The following MGAT5 variants were observed in gnomAD, a reference collection of about 807,000 sequenced individuals.
The protein encoded by MGAT5 is alpha-1,6-mannosylglycoprotein 6-beta-N-acetylglucosaminyltransferase.
A neutral mutation model predicts 94.3 loss-of-function variants in MGAT5; 30 were observed. The observed-to-expected ratio is 0.32, with a 90% CI of 0.24 to 0.43. MGAT5 has a LOEUF of 0.43. Among genes scored for constraint, MGAT5 ranks in the 20% least tolerant of loss-of-function variants. The probability of loss-of-function intolerance (pLI) is 1.00; values close to 1 mark genes in which losing one functional copy is unlikely to be tolerated. For synonymous variants in MGAT5, 310 were observed against 322.9 expected, an observed-to-expected ratio of 0.96 and a Z score of 0.43; for missense variants, 691 against 905.5, an observed-to-expected ratio of 0.76 and a Z score of 3.04.
intron 2 of MGAT5, among the ~76,000 whole-genome samples, chr2:134,291,334 T>C (rs1685349439): frequency 1.3e-5 from 2 of 152,250 alleles, no homozygotes; most frequent in Admixed American, 1.3e-4. Context: ...TTCTTGTCTG[T>C]GAGGATACAA....
At position 134,381,382 on chromosome 2, in the gene MGAT5, T is replaced by TTAGATAGATAGATAGATAGATAGA. The variant is rs61246431; in HGVS notation, c.1380+19002_1380+19025dup. On this transcript the variant is annotated intron_variant, in intron 10 of 15. Transcript: ENST00000281923. ...AGATAGATAGATAAGATAAGATAGA[T>TTAGATAGATAGATAGATAGATAGA]TAGATAGATAGATAGATAGATAGAT... 1.1e-4 allele frequency among the ~76,000 whole-genome samples: 12 copies of TTAGATAGATAGATAGATAGATAGA among 108,576 alleles called. 1 individual carries two copies. The South Asian group carries it at 1.6e-3, about 14-fold the overall frequency. 71.2% of individuals were successfully genotyped at this position (108,576 alleles called of 152,430 possible).
chr2:134,428,235 A>T, intron 13 of MGAT5, 130 bp from the exon 14 acceptor site: 1 of 711,546 alleles, frequency 1.4e-6, no homozygotes, highest in South Asian at 1.9e-5. Flanking sequence ...ACGACTTGCA[A>T]GTCCATAGTC....
intron 1 of MGAT5, among the ~76,000 whole-genome samples, chr2:134,248,248 G>T (rs893882232): frequency 6.6e-6 from 1 of 152,182 alleles, no homozygotes; most frequent in Admixed American, 6.5e-5. Context: ...CCACCATCCT[G>T]TCCTTCCATC....
chr2:134,404,082 TTAA>T (rs1439511293), intron 11 of MGAT5, among the ~76,000 whole-genome samples: 2 of 152,248 alleles, frequency 1.3e-5, no homozygotes, highest in African/African-American at 2.4e-5. Context: ...CTCAGGTTTA[TTAA>T]TAAGTTTTTA....
Position 134,425,473 on chromosome 2 carries a change from G to A in MGAT5, c.1794+2554G>A, listed in dbSNP as rs189980142. 2.0e-5 allele frequency among the ~76,000 whole-genome samples: 3 copies of A among 152,046 alleles called. No individual in the cohort carries two copies. In the East Asian group the frequency reaches 5.8e-4, roughly 29 times the overall value. On this transcript the variant is annotated intron_variant, in intron 13 of 15. Transcript: ENST00000281923. ...TAAGTGTTGAGGATTTTATAAGTAT[G>A]ATGGGAAGTTTTGAACAGGGGGATG... is the stretch of plus-strand genomic sequence containing the variant.
chr2:134,452,497 G>C lies in MGAT5; in HGVS notation c.*3650G>C, dbSNP rs1422040851. 1 of 152,208 alleles carries C rather than the reference G, an allele frequency of 6.6e-6. No individual in the cohort carries two copies. Among genetic ancestry groups the C allele is most frequent in the African/African-American group, 2.4e-5 (1 of 41,458 alleles). 9.4% of individuals were successfully genotyped at this position (152,208 alleles called of 1,614,324 possible). A position where few individuals can be genotyped will look rare whatever the true frequency, so the allele number is the denominator to read the frequency against. ...AATAATGAGCTTCCCCTTTGGGAGT[G>C]GAGCCCAGTGCAGCTCACTGACAGG... On this transcript the variant is annotated 3_prime_UTR_variant, in exon 16 of 16. Coordinates refer to ENST00000281923, the MANE Select transcript of MGAT5 (RefSeq NM_002410.5).
chr2:134,437,410 G>C (rs1685222153), intron 14 of MGAT5, among the ~76,000 whole-genome samples: 1 of 152,186 alleles, frequency 6.6e-6, no homozygotes, highest in Admixed American at 6.5e-5. Context: ...GCCCTCAGCT[G>C]TTTGTAGATG....
At chr2:134,430,017 G>T (rs1319907462) in intron 14 of MGAT5, among the ~76,000 whole-genome samples, 2 of 152,204 alleles carry the variant, frequency 1.3e-5, no homozygotes, top group Non-Finnish European at 2.9e-5. Flanking sequence ...GGCCTCAGGA[G>T]ACAGAAGGTG....
intron 1 of MGAT5, among the ~76,000 whole-genome samples, chr2:134,235,874 T>TG: frequency 6.6e-6 from 1 of 152,136 alleles, no homozygotes; most frequent in Admixed American, 6.5e-5. Context: ...GCTTTGGTTT[T>TG]CTGTTTTGCA....
chr2:134,248,892 C>T (rs907857843), intron 1 of MGAT5, among the ~76,000 whole-genome samples: 3 of 152,224 alleles, frequency 2.0e-5, no homozygotes, highest in East Asian at 1.9e-4. Context: ...TCATTGGTCT[C>T]GTTCTCACTC....
chr2:134,130,227 G>A (rs1159916945), intron 1 of MGAT5, among the ~76,000 whole-genome samples: 1 of 69,976 alleles, frequency 1.4e-5, no homozygotes, highest in South Asian at 4.9e-4. Context: ...GCCCCACACC[G>A]CCCCACACCG....
At chr2:134,280,221 AAT>A (rs1050516965) in intron 2 of MGAT5, among the ~76,000 whole-genome samples, 28 of 152,310 alleles carry the variant, frequency 1.8e-4, no homozygotes, top group African/African-American at 6.5e-4. Context: ...TGGGTTTAGA[AAT>A]GACAGAAAGA....
At chr2:134,314,717 G>A (rs1686897250) in intron 2 of MGAT5, among the ~76,000 whole-genome samples, 1 of 152,158 alleles carries the variant, frequency 6.6e-6, no homozygotes, top group African/African-American at 2.4e-5. Flanking sequence ...CTTTAACTGG[G>A]CAGAGGAAGA....
chr2:134,318,788 G>A (rs369826808), intron 4 of MGAT5, 49 bp downstream of exon 4: 78 of 1,297,176 alleles, frequency 6.0e-5, no homozygotes, highest in Non-Finnish European at 8.1e-5. Flanking sequence ...TGGTTGGACT[G>A]TTCTGTAGCT....
chr2:134,306,109 A>G (rs753153378), intron 2 of MGAT5, among the ~76,000 whole-genome samples: 6 of 152,138 alleles, frequency 3.9e-5, no homozygotes, highest in African/African-American at 1.2e-4. Context: ...TTTATTTCCT[A>G]TTAGGCCCAT....
intron 14 of MGAT5, among the ~76,000 whole-genome samples, chr2:134,441,310 A>T (rs1212861198): frequency 6.6e-6 from 1 of 152,146 alleles, no homozygotes; most frequent in Non-Finnish European, 1.5e-5. Flanking sequence ...AACTGCCAAG[A>T]TAGGGTAGAC....
At chr2:134,288,298 C>A (rs1042303879) in intron 2 of MGAT5, among the ~76,000 whole-genome samples, 2 of 152,190 alleles carry the variant, frequency 1.3e-5, no homozygotes, top group African/African-American at 2.4e-5. Context: ...GTTTCAAGTT[C>A]CATATAGGAA....
intron 1 of MGAT5, among the ~76,000 whole-genome samples, chr2:134,225,117 G>C (rs928755218): frequency 6.6e-6 from 1 of 151,778 alleles, no homozygotes; most frequent in Admixed American, 6.6e-5. Flanking sequence ...GTGGAAATCG[G>C]GGGGGAATTT....
rs1553490380 is a variant in MGAT5, at chr2:134,189,602, G to GTTTTGTTTTGTTTTTTTTTT, written c.-142-64656_-142-64655insGTTTTGTTTTTTTTTTTTTT. 6.3e-4 allele frequency among the ~76,000 whole-genome samples: 53 copies of GTTTTGTTTTGTTTTTTTTTT among 84,648 alleles called. 1 individual carries two copies. Among genetic ancestry groups the GTTTTGTTTTGTTTTTTTTTT allele is most frequent in the African/African-American group, 1.9e-3 (39 of 20,994 alleles). The allele number at this position is 84,648 out of a possible 152,430, so 55.5% of individuals were successfully genotyped here. A position where few individuals can be genotyped will look rare whatever the true frequency, so the allele number is the denominator to read the frequency against. ...AACCTCATGGCTCTAGTTTTTTTTT[G>GTTTTGTTTTGTTTTTTTTTT]TTTTTTTTTTTTTTTTTTAAGACAG... is the stretch of plus-strand genomic sequence containing the variant. On this transcript the variant is annotated intron_variant, in intron 1 of 16. Transcript: ENST00000409645.
Sources: gnomAD v4.1 joint callset for allele counts (sites outside exome capture counted in the v4.1 genomes callset) on GRCh38, gnomAD v4.1.1 for gene constraint, MANE v1.5 for transcripts, NCBI Gene and HGNC (gene_info 2026-07-23, HGNC 2026-07-21) for gene names.